ALG14: variants seen among roughly 807,000 people sequenced by gnomAD.
ALG14 encodes UDP-N-acetylglucosamine transferase subunit ALG14.
Under a neutral mutation model 22.8 loss-of-function variants are expected in ALG14, and 17 were observed. The observed-to-expected ratio is 0.75, with a 90% CI of 0.51 to 1.12. The LOEUF (loss-of-function observed/expected upper bound fraction) is 1.12. Among genes scored for constraint, ALG14 ranks in the 50% most tolerant of loss-of-function variants. ALG14 has a pLI of 0.00. For missense variants in ALG14, 288 were observed against 271.8 expected (o/e 1.06, Z -0.42); for synonymous variants, 89 against 103.7 (o/e 0.86, Z 0.86).
At chr1:94,985,998 A>G (rs576465656) in intron 3 of ALG14, among the ~76,000 whole-genome samples, 2 of 152,348 alleles carry the variant, frequency 1.3e-5, no homozygotes, top group African/African-American at 4.8e-5. Flanking sequence ...GCAAAAAAAT[A>G]AAAGTGGATT....
intron 3 of ALG14, among the ~76,000 whole-genome samples, chr1:94,999,861 A>G (rs554234338): frequency 2.0e-5 from 3 of 152,200 alleles, no homozygotes; most frequent in East Asian, 3.9e-4. Context: ...AAGCCTCTCA[A>G]ATCTGGGCCT....
rs1277887055 is a variant in ALG14 at position 95,044,198 on chromosome 1, G to A, written c.289-16938C>T. On this transcript the variant is annotated intron_variant, in intron 2 of 3. Coordinates refer to ENST00000370205, the MANE Select transcript of ALG14 (RefSeq NM_144988.4). ...ATTTTCCCTTACTCCTGGCCCTCCT[G>A]ATGCAAGCCACATTATCTCTTGCTG... Among the ~76,000 whole-genome samples, 5 of 152,146 alleles carry A rather than the reference G, an allele frequency of 3.3e-5. No individual in the cohort carries two copies. The East Asian group carries it at 9.6e-4, about 29-fold the overall frequency.
chr1:95,002,456 G>A (rs1050799791), intron 3 of ALG14, among the ~76,000 whole-genome samples: 2 of 151,998 alleles, frequency 1.3e-5, no homozygotes, highest in Admixed American at 1.3e-4. Flanking sequence ...AAAAACGCCA[G>A]GACAGCAAAA....
intron 3 of ALG14, among the ~76,000 whole-genome samples, chr1:95,010,122 A>G (rs1224510010): frequency 6.6e-6 from 1 of 152,198 alleles, no homozygotes; most frequent in Non-Finnish European, 1.5e-5. Flanking sequence ...AGTGCCTCTA[A>G]TAAACAATTC....
At chr1:95,072,735 G>C (rs1183309334) in intron 1 of ALG14, 28 bp downstream of exon 1, 3 of 1,609,274 alleles carry the variant, frequency 1.9e-6, no homozygotes, top group Admixed American at 1.7e-5. Flanking sequence ...ACCAACCCAA[G>C]TCCGACAGTC....
chr1:95,003,651 G>A (rs1379725835), intron 3 of ALG14, among the ~76,000 whole-genome samples: 1 of 151,536 alleles, frequency 6.6e-6, no homozygotes, highest in Non-Finnish European at 1.5e-5. Flanking sequence ...GTAGAGATGA[G>A]GTCTTGCTAT....
At chr1:95,019,971 A>C (rs1673613365) in intron 3 of ALG14, among the ~76,000 whole-genome samples, 1 of 152,124 alleles carries the variant, frequency 6.6e-6, no homozygotes, top group Admixed American at 6.5e-5. Flanking sequence ...TAATCCTAGC[A>C]TTTTTTGAGA....
chr1:95,040,314 A>G (rs2100795367), intron 2 of ALG14, among the ~76,000 whole-genome samples: 1 of 152,296 alleles, frequency 6.6e-6, no homozygotes, highest in South Asian at 2.1e-4. Flanking sequence ...CAGGACCCAC[A>G]GCTCCCTTAC....
At chr1:95,042,750 C>T (rs780032354) in intron 2 of ALG14, among the ~76,000 whole-genome samples, 9 of 152,192 alleles carry the variant, frequency 5.9e-5, no homozygotes, top group Non-Finnish European at 1.0e-4. Flanking sequence ...CTGTACATGA[C>T]GTGTCTTGTG....
At chr1:95,059,033 T>C (rs1422754858) in intron 2 of ALG14, among the ~76,000 whole-genome samples, 1 of 152,060 alleles carries the variant, frequency 6.6e-6, no homozygotes, top group African/African-American at 2.4e-5. Context: ...CTCAGAACTT[T>C]TAATTTTGAT....
At chr1:95,030,070 AC>A (rs1256951491) in intron 2 of ALG14, among the ~76,000 whole-genome samples, 13 of 152,224 alleles carry the variant, frequency 8.5e-5, no homozygotes, top group African/African-American at 3.1e-4. Flanking sequence ...GCCAAGCAGT[AC>A]TGTAGAGTCA....
chr1:94,999,033 A>C (rs971531156), intron 3 of ALG14, among the ~76,000 whole-genome samples: 2 of 152,202 alleles, frequency 1.3e-5, no homozygotes, highest in Non-Finnish European at 2.9e-5. Flanking sequence ...AAAATCTCTC[A>C]GAACAAACAC....
intron 3 of ALG14, among the ~76,000 whole-genome samples, chr1:95,023,482 T>C (rs1264785769): frequency 6.6e-6 from 1 of 152,020 alleles, no homozygotes; most frequent in East Asian, 1.9e-4. Context: ...GTATGAAACA[T>C]GGAAAAAAAT....
chr1:95,070,461 G>A (rs144526686), intron 1 of ALG14, among the ~76,000 whole-genome samples: 2 of 152,316 alleles, frequency 1.3e-5, no homozygotes, highest in South Asian at 2.1e-4. Context: ...ACCAAATCTT[G>A]TATCTGTATG....
In ALG14 at chr1:95,064,624, A is replaced by G. The variant is rs569436359; in HGVS notation, c.288+242T>C. Among the ~76,000 whole-genome samples, 10 of 152,332 alleles carry G rather than the reference A, an allele frequency of 6.6e-5. 1 individual carries two copies. The South Asian group carries it at 2.1e-3, about 32-fold the overall frequency. ...GTTGAATCAACCTTGCATCCCGGGT[A>G]TGAAGCCAACTTGATCATGGTGGAT... On this transcript the variant is annotated intron_variant, in intron 2 of 3. Coordinates refer to ENST00000370205, the MANE Select transcript of ALG14 (RefSeq NM_144988.4).
intron 3 of ALG14, among the ~76,000 whole-genome samples, chr1:95,014,695 T>C (rs767169269): frequency 2.6e-5 from 4 of 152,206 alleles, no homozygotes; most frequent in Non-Finnish European, 4.4e-5. Flanking sequence ...TATTTACAAA[T>C]TGATTTATAA....
At chr1:95,035,810 T>C (rs1674168975) in intron 2 of ALG14, 2 of 152,220 alleles carry the variant, frequency 1.3e-5, no homozygotes, top group African/African-American at 4.8e-5. Flanking sequence ...GATGAAGTCA[T>C]TCTTTGCTGT....
rs1017928167 is a variant in ALG14 at position 94,978,864 on chromosome 1, T to G, written c.*4212A>C. On this transcript the variant is annotated 3_prime_UTR_variant, in exon 4 of 4. Transcript: ENST00000370205. ...TTCTTTAAAAAAAAAAAAAAACACCTAACGTAGCTATTAAGGTAAGCCTGG... is the reference window on the plus strand; with the variant it reads ...TTCTTTAAAAAAAAAAAAAAACACCGAACGTAGCTATTAAGGTAAGCCTGG... The G allele has an allele frequency of 2.7e-4, 39 of 146,630 alleles. No individual in the cohort carries two copies. Among genetic ancestry groups the G allele is most frequent in the African/African-American group, 9.2e-4 (36 of 39,272 alleles). The allele number at this position is 146,630 out of a possible 1,614,324, so 9.1% of individuals were successfully genotyped here.
In ALG14 at chr1:94,990,349, C is replaced by T. The variant is rs148255767; in HGVS notation, c.421-7043G>A. On this transcript the variant is annotated intron_variant, in intron 3 of 3. Coordinates refer to ENST00000370205, the MANE Select transcript of ALG14 (RefSeq NM_144988.4). The stretch of plus-strand genomic sequence containing the variant: ...TATTTGCTTGGCTCACATGATGGTA[C>T]ATTGTATTTCTTCTTTTTTATGTTT... Among the ~76,000 whole-genome samples the T allele has an allele frequency of 3.3e-3, 497 of 152,298 alleles. 1 individual carries two copies. Among genetic ancestry groups the T allele is most frequent in the African/African-American group, 0.011 (477 of 41,542 alleles).
Sources: gnomAD v4.1 joint callset for allele counts (sites outside exome capture counted in the v4.1 genomes callset) on GRCh38, gnomAD v4.1.1 for gene constraint, MANE v1.5 for transcripts, NCBI Gene and HGNC (gene_info 2026-07-23, HGNC 2026-07-21) for gene names.